The following PHACTR1 variants were observed in gnomAD, a reference collection of about 807,000 sequenced individuals.
The protein encoded by PHACTR1 is RPEL repeat containing 1.
In PHACTR1, 16 loss-of-function variants were observed where a neutral mutation model predicts 69.2. The ratio of observed to expected loss-of-function variants is 0.23; its 90% CI spans 0.16 to 0.35. The LOEUF is 0.35. Ranked by LOEUF, PHACTR1 falls within the 10% of genes least tolerant of loss-of-function variation. The pLI, the probability that PHACTR1 is intolerant of heterozygous loss-of-function variation, is 1.00. For synonymous variants in PHACTR1, 312 were observed against 284.5 expected (o/e 1.10, Z -0.97); for missense variants, 510 against 734.7 (o/e 0.69, Z 3.54).
intron 4 of PHACTR1, among the ~76,000 whole-genome samples, chr6:12,766,451 C>G (rs942311721): frequency 2.0e-5 from 3 of 152,128 alleles, no homozygotes; most frequent in Non-Finnish European, 4.4e-5. Flanking sequence ...CCCCCGGAAT[C>G]TAGAAATTTC....
intron 4 of PHACTR1, among the ~76,000 whole-genome samples, chr6:12,949,615 A>G (rs1264187315): frequency 2.0e-5 from 3 of 152,242 alleles, no homozygotes; most frequent in Non-Finnish European, 2.9e-5. Context: ...GGGTCTGAAT[A>G]TAGTGCTATA....
At chr6:13,189,728 T>C (rs1763260744) in intron 7 of PHACTR1, among the ~76,000 whole-genome samples, 1 of 152,124 alleles carries the variant, frequency 6.6e-6, no homozygotes, top group Admixed American at 6.5e-5. Flanking sequence ...AAAATCAGCT[T>C]TCTTTGTGTT....
At chr6:13,066,251 T>G (rs1808610096) in intron 5 of PHACTR1, among the ~76,000 whole-genome samples, 2 of 152,340 alleles carry the variant, frequency 1.3e-5, no homozygotes, top group South Asian at 4.1e-4. Context: ...TATCCTCTTG[T>G]CTTCTAGTGT....
intron 10 of PHACTR1, chr6:13,272,600 T>C: frequency 2.0e-6 from 2 of 1,003,830 alleles, no homozygotes; most frequent in Non-Finnish European, 2.8e-6. Flanking sequence ...CTGGGGCCAC[T>C]GGAGGAGATG....
intron 4 of PHACTR1, among the ~76,000 whole-genome samples, chr6:12,791,163 G>A (rs952933351): frequency 6.6e-6 from 1 of 152,158 alleles, no homozygotes; most frequent in Non-Finnish European, 1.5e-5. Flanking sequence ...AAAATGCTAT[G>A]GGAACACAGA....
chr6:13,035,671 A>T (rs1803196405), intron 4 of PHACTR1, among the ~76,000 whole-genome samples: 1 of 152,224 alleles, frequency 6.6e-6, no homozygotes, highest in African/African-American at 2.4e-5. Context: ...CTTTTGAAAT[A>T]CAAGAGCCCT....
chr6:13,142,428 G>T (rs989410511), intron 5 of PHACTR1, among the ~76,000 whole-genome samples: 1 of 152,144 alleles, frequency 6.6e-6, no homozygotes, highest in Non-Finnish European at 1.5e-5. Flanking sequence ...TTTACTTTGG[G>T]TATGTGTATG....
intron 5 of PHACTR1, among the ~76,000 whole-genome samples, chr6:13,058,843 G>A (rs1350603253): frequency 6.6e-6 from 1 of 152,182 alleles, no homozygotes; most frequent in East Asian, 1.9e-4. Context: ...GGAGAATGGA[G>A]AGCTGAGTGT....
intron 5 of PHACTR1, among the ~76,000 whole-genome samples, chr6:13,094,531 A>G (rs1813834318): frequency 6.6e-6 from 1 of 152,052 alleles, no homozygotes; most frequent in Admixed American, 6.6e-5. Flanking sequence ...TCCTGACCTC[A>G]GGTGATCTGC....
At chr6:13,097,423 G>T (rs1357056453) in intron 5 of PHACTR1, among the ~76,000 whole-genome samples, 1 of 151,752 alleles carries the variant, frequency 6.6e-6, no homozygotes, top group East Asian at 1.9e-4. Flanking sequence ...ATAATTCATT[G>T]TGGTAATTTA....
At chr6:13,184,481 C>T (rs1762577520) in intron 7 of PHACTR1, among the ~76,000 whole-genome samples, 1 of 152,224 alleles carries the variant, frequency 6.6e-6, no homozygotes, top group Non-Finnish European at 1.5e-5. Flanking sequence ...CATCTTAGAG[C>T]ATGTGTAGGG....
Position 12,784,720 on chromosome 6 carries a change from T to A in PHACTR1, c.250+34930T>A, listed in dbSNP as rs993353268. On this transcript the variant is annotated intron_variant, in intron 4 of 14. Transcript: ENST00000332995. ...TATGTATTTATAAATATTTTATTTT[T>A]ATTTTATTTTATTTTTTGAGTTTCG... is the stretch of plus-strand genomic sequence containing the variant. 3.9e-5 allele frequency among the ~76,000 whole-genome samples: 6 copies of A among 151,970 alleles called. No homozygotes were observed. The East Asian group carries it at 5.8e-4, about 15-fold the overall frequency.
At chr6:12,840,710 T>G (rs980562157) in intron 4 of PHACTR1, among the ~76,000 whole-genome samples, 11 of 152,176 alleles carry the variant, frequency 7.2e-5, no homozygotes, top group Admixed American at 1.3e-4. Context: ...AGTCTCACCA[T>G]CTCTACCAAA....
chr6:12,998,367 C>T (rs1797676295), intron 4 of PHACTR1, among the ~76,000 whole-genome samples: 1 of 152,126 alleles, frequency 6.6e-6, no homozygotes, highest in African/African-American at 2.4e-5. Context: ...CCTGTAATCT[C>T]AGCACTTTGG....
intron 4 of PHACTR1, among the ~76,000 whole-genome samples, chr6:12,773,233 A>G (rs553383962): frequency 1.3e-5 from 2 of 152,328 alleles, no homozygotes; most frequent in Admixed American, 1.3e-4. Context: ...AAAGACTGGT[A>G]ATTTCAGCTC....
At chr6:13,043,441 G>A (rs1383273791) in intron 4 of PHACTR1, among the ~76,000 whole-genome samples, 1 of 152,052 alleles carries the variant, frequency 6.6e-6, no homozygotes, top group Non-Finnish European at 1.5e-5. Context: ...AAAAAAGGCG[G>A]GTGGGGGGTG....
chr6:13,230,033 A>G lies in PHACTR1; in HGVS notation c.1235-4A>G, dbSNP rs761898707. On this transcript the variant is annotated splice_region_variant and splice_polypyrimidine_tract_variant and intron_variant, in intron 9 of 14. Transcript: ENST00000332995. Reference sequence around the variant, plus strand: ...CTTAATTGACTCATTTCTGTCTCCTACAGGCTCCCTGGCCATGAAGGTCTG... The same window carrying G: ...CTTAATTGACTCATTTCTGTCTCCTGCAGGCTCCCTGGCCATGAAGGTCTG... 1.2e-6 allele frequency: 2 copies of G among 1,605,234 alleles called. No homozygotes were observed. Among genetic ancestry groups the G allele is most frequent in the African/African-American group, 1.3e-5 (1 of 74,702 alleles).
rs1427067956 is a variant in PHACTR1 at position 12,818,873 on chromosome 6, ATC to A, written c.250+69085_250+69086del. On this transcript the variant is annotated intron_variant, in intron 4 of 14. Coordinates refer to ENST00000332995, the MANE Select transcript of PHACTR1 (RefSeq NM_030948.6). ...TCAGCTTCCTTTTTACTGTTTGGAA[ATC>A]TGTTGGAAAGTACAGCAGTTCTGTA... Among the ~76,000 whole-genome samples the A allele has an allele frequency of 4.6e-5, 7 of 152,324 alleles. No individual in the cohort carries two copies. In the East Asian group the frequency reaches 1.3e-3, roughly 29 times the overall value.
At chr6:13,242,055 A>AAAAAAAG (rs1322097114) in intron 10 of PHACTR1, among the ~76,000 whole-genome samples, 1 of 150,398 alleles carries the variant, frequency 6.6e-6, no homozygotes, top group African/African-American at 2.5e-5. Context: ...AAAAAAAAAA[A>AAAAAAAG]GGAATAAGTA....
Sources: gnomAD v4.1 joint callset for allele counts (sites outside exome capture counted in the v4.1 genomes callset) on GRCh38, gnomAD v4.1.1 for gene constraint, MANE v1.5 for transcripts, NCBI Gene and HGNC (gene_info 2026-07-23, HGNC 2026-07-21) for gene names.